The following KAZN variants were observed in gnomAD, a reference collection of about 807,000 sequenced individuals.
The protein encoded by KAZN is kazrin, periplakin interacting protein, also known as kazrin.
Under a neutral mutation model 87.4 loss-of-function variants are expected in KAZN, and 40 were observed. The ratio of observed to expected loss-of-function variants is 0.46; its 90% CI spans 0.36 to 0.60. The LOEUF is 0.60. KAZN is among the 20% of genes least tolerant of loss of function. The probability of loss-of-function intolerance (pLI) is 0.00; values close to 1 mark genes in which losing one functional copy is unlikely to be tolerated. For synonymous variants in KAZN, 466 were observed against 458.3 expected, an observed-to-expected ratio of 1.02 and a Z score of -0.22; for missense variants, 898 against 1,073.9, an observed-to-expected ratio of 0.84 and a Z score of 2.29.
intron 2 of KAZN, among the ~76,000 whole-genome samples, chr1:14,291,470 T>A (rs998113441): frequency 4.2e-4 from 64 of 152,202 alleles, no homozygotes; most frequent in African/African-American, 1.5e-3. Flanking sequence ...CAAGGCTCCA[T>A]AGGCGTGGGA....
At chr1:14,953,092 C>T (rs187329461) in intron 1 of KAZN, among the ~76,000 whole-genome samples, 65 of 152,380 alleles carry the variant, frequency 4.3e-4, no homozygotes, top group African/African-American at 1.6e-3. Flanking sequence ...GAACACGGCA[C>T]AGAGCATGGT....
intron 1 of KAZN, among the ~76,000 whole-genome samples, chr1:14,027,066 C>G (rs1156545574): frequency 2.6e-5 from 4 of 152,190 alleles, no homozygotes; most frequent in African/African-American, 7.2e-5. Context: ...TCTTGACATC[C>G]TATCAAGAAC....
chr1:14,713,793 A>AGAAAG (rs61640714), intron 1 of KAZN, among the ~76,000 whole-genome samples: 2,815 of 61,292 alleles, frequency 0.046, 27 homozygotes, highest in South Asian at 0.12. Context: ...AAAAAAAAAA[A>AGAAAG]AAAAAAAGAA....
intron 1 of KAZN, among the ~76,000 whole-genome samples, chr1:14,851,796 C>T (rs915697000): frequency 2.0e-5 from 3 of 152,330 alleles, no homozygotes; most frequent in East Asian, 3.9e-4. Context: ...GATGTCAGCT[C>T]TTCCTGACAT....
intron 1 of KAZN, among the ~76,000 whole-genome samples, chr1:14,938,011 G>A (rs948171922): frequency 6.6e-6 from 1 of 152,184 alleles, no homozygotes; most frequent in South Asian, 2.1e-4. Flanking sequence ...TGTAGAACAG[G>A]CTCCCCTCAC....
intron 4 of KAZN, among the ~76,000 whole-genome samples, chr1:15,048,123 A>G (rs1419727718): frequency 6.6e-6 from 1 of 152,224 alleles, no homozygotes; most frequent in African/African-American, 2.4e-5. Flanking sequence ...GCAGCCCCTC[A>G]GGATCCAGGC....
intron 1 of KAZN, among the ~76,000 whole-genome samples, chr1:13,942,636 G>C (rs12078499): frequency 0.13 from 20,132 of 149,558 alleles, 1,489 homozygotes; most frequent in Middle Eastern, 0.21. Flanking sequence ...CAATCTCTGG[G>C]ATTGAATAAA....
chr1:14,447,544 C>A (rs1362431557), intron 2 of KAZN, among the ~76,000 whole-genome samples: 2 of 152,058 alleles, frequency 1.3e-5, no homozygotes, highest in African/African-American at 4.8e-5. Flanking sequence ...CAGCCCTCCA[C>A]CACATTTTAA....
chr1:13,922,771 G>T (rs569143801), intron 1 of KAZN, among the ~76,000 whole-genome samples: 1 of 152,238 alleles, frequency 6.6e-6, no homozygotes, highest in Non-Finnish European at 1.5e-5. Context: ...AGAGTCAGTG[G>T]TGGGGTCACC....
intron 2 of KAZN, among the ~76,000 whole-genome samples, chr1:14,296,629 CTTT>C (rs775666706): frequency 6.0e-5 from 5 of 82,764 alleles, no homozygotes; most frequent in East Asian, 4.1e-4. Context: ...TTTTGTATTT[CTTT>C]TTTTTTTTTT....
chr1:14,745,596 G>T (rs1176541938), intron 1 of KAZN, among the ~76,000 whole-genome samples: 2 of 152,164 alleles, frequency 1.3e-5, no homozygotes, highest in Non-Finnish European at 2.9e-5. Context: ...GGGACCCACT[G>T]CTTCTCGGGG....
At chr1:14,166,184 G>T (rs371286272) in intron 1 of KAZN, among the ~76,000 whole-genome samples, 1 of 152,138 alleles carries the variant, frequency 6.6e-6, no homozygotes, top group Non-Finnish European at 1.5e-5. Context: ...GCATGGTGGC[G>T]TGCGCCTGTA....
intron 1 of KAZN, among the ~76,000 whole-genome samples, chr1:14,821,101 A>G (rs1027939284): frequency 6.6e-6 from 1 of 152,188 alleles, no homozygotes; most frequent in African/African-American, 2.4e-5. Flanking sequence ...AGAAAAATGG[A>G]TGGGGAAGAA....
intron 2 of KAZN, among the ~76,000 whole-genome samples, chr1:14,372,508 T>C (rs1016345964): frequency 2.0e-5 from 3 of 152,230 alleles, no homozygotes; most frequent in Non-Finnish European, 4.4e-5. Flanking sequence ...CTTCTACTCA[T>C]TGGATGCTAG....
chr1:14,571,744 C>T (rs1327566282), intron 2 of KAZN, among the ~76,000 whole-genome samples: 1 of 152,178 alleles, frequency 6.6e-6, no homozygotes, highest in African/African-American at 2.4e-5. Context: ...TACCTCCCCT[C>T]CGCCAAGATT....
At chr1:14,740,717 G>A (rs910130252) in intron 1 of KAZN, among the ~76,000 whole-genome samples, 1 of 152,086 alleles carries the variant, frequency 6.6e-6, no homozygotes, top group Non-Finnish European at 1.5e-5. Flanking sequence ...GCCATTCCTG[G>A]GATCAAGAGG....
At chr1:14,142,716 T>C (rs939903517) in intron 1 of KAZN, among the ~76,000 whole-genome samples, 2 of 152,248 alleles carry the variant, frequency 1.3e-5, no homozygotes, top group Admixed American at 1.3e-4. Context: ...CATGGTCACG[T>C]GAGGCAGATG....
chr1:14,123,955 G>A (rs1285483967), intron 1 of KAZN, among the ~76,000 whole-genome samples: 2 of 152,128 alleles, frequency 1.3e-5, no homozygotes, highest in Admixed American at 6.5e-5. Flanking sequence ...GATGACAAAT[G>A]TGTGGCTGGC....
intron 2 of KAZN, among the ~76,000 whole-genome samples, chr1:14,521,329 A>C (rs745610937): frequency 2.6e-5 from 4 of 152,200 alleles, no homozygotes; most frequent in Admixed American, 6.5e-5. Flanking sequence ...CCCTCACTGC[A>C]TTTATGCCCC....
Sources: allele counts gnomAD v4.1 joint callset (sites outside exome capture counted in the v4.1 genomes callset), GRCh38; gene constraint gnomAD v4.1.1; transcripts MANE v1.5; gene names NCBI Gene and HGNC (gene_info 2026-07-23, HGNC 2026-07-21).